The following SOX13 variants were observed in gnomAD, a reference collection of about 807,000 sequenced individuals.
The protein encoded by SOX13 is SRY-box transcription factor 13.
In SOX13, 28 loss-of-function variants were observed where a neutral mutation model predicts 71.8. That is an observed-to-expected ratio of 0.39 (90% CI 0.29 to 0.53). The LOEUF is 0.53. Among genes scored for constraint, SOX13 ranks in the 20% least tolerant of loss-of-function variants. The pLI, the probability that SOX13 is intolerant of heterozygous loss-of-function variation, is 0.70. For missense variants in SOX13, 627 were observed against 810.3 expected (o/e 0.77, Z 2.75); for synonymous variants, 309 against 317.8 (o/e 0.97, Z 0.29).
intron 1 of SOX13, among the ~76,000 whole-genome samples, chr1:204,078,346 C>T (rs894203551): frequency 4.6e-5 from 7 of 152,178 alleles, no homozygotes; most frequent in African/African-American, 1.7e-4. Flanking sequence ...TATTGGGCAG[C>T]TCCCCTGGGT....
At chr1:204,102,146 A>G (rs1434886801) in intron 1 of SOX13, among the ~76,000 whole-genome samples, 2 of 152,226 alleles carry the variant, frequency 1.3e-5, no homozygotes, top group Non-Finnish European at 2.9e-5. Flanking sequence ...TAGACTTGTC[A>G]CAAAGCAAAA....
At position 204,117,627 on chromosome 1, in the gene SOX13, T is replaced by C; in HGVS notation, c.695T>C (p.Phe232Ser). Residue 232 changes from phenylalanine to serine, a missense_variant, in exon 7 of 14, where the codon TTC becomes TCC. Coordinates refer to ENST00000367204, the MANE Select transcript of SOX13 (RefSeq NM_005686.3). ...VNMPYVMIPA[F>S]PPSHQPLPVT... Reference sequence around the variant, plus strand: ...ATGCCTTATGTCATGATCCCAGCCTTCCCCCCAAGCCACCAACCTCTGCCT... The same window carrying C: ...ATGCCTTATGTCATGATCCCAGCCTCCCCCCCAAGCCACCAACCTCTGCCT... The C allele has an allele frequency of 6.2e-7, 1 of 1,613,034 alleles. No individual in the cohort carries two copies. Among genetic ancestry groups the C allele is most frequent in the Non-Finnish European group, 8.5e-7 (1 of 1,179,558 alleles).
rs1421659547 is a variant in SOX13, at chr1:204,114,318, C to A, written c.220-3C>A. ...TATGGTGACAATTCAGTATGTCTTGCAGGACTGTAGCTCTCCAGAGGGTAA... is the reference window on the plus strand; with the variant it reads ...TATGGTGACAATTCAGTATGTCTTGAAGGACTGTAGCTCTCCAGAGGGTAA... On this transcript the variant is annotated splice_region_variant and splice_polypyrimidine_tract_variant and intron_variant, in intron 2 of 13. Coordinates refer to ENST00000367204, the MANE Select transcript of SOX13 (RefSeq NM_005686.3). 3 of 1,584,516 alleles carry A rather than the reference C, an allele frequency of 1.9e-6. No individual in the cohort carries two copies. Among genetic ancestry groups the A allele is most frequent in the Non-Finnish European group, 2.6e-6 (3 of 1,160,248 alleles).
intron 8 of SOX13, 74 bp downstream of exon 8, chr1:204,122,059 CG>C: frequency 1.7e-6 from 2 of 1,178,950 alleles, no homozygotes; most frequent in Non-Finnish European, 2.5e-6. Flanking sequence ...TAGGGAACTG[CG>C]GGGTGTGGAC....
intron 1 of SOX13, among the ~76,000 whole-genome samples, chr1:204,100,441 G>A (rs533597090): frequency 2.6e-5 from 4 of 152,186 alleles, no homozygotes; most frequent in South Asian, 2.1e-4. Flanking sequence ...GATGGAAAGC[G>A]GGGTGCTGGG....
Position 204,126,375 on chromosome 1 carries a change from T to A in SOX13, c.*241T>A. ...CCATGGGCTGAGCAGGCTGAGCACCTCAGCCTTTAGGGCTTATGGCCAGGG... is the reference window on the plus strand; with the variant it reads ...CCATGGGCTGAGCAGGCTGAGCACCACAGCCTTTAGGGCTTATGGCCAGGG... On this transcript the variant is annotated 3_prime_UTR_variant, in exon 14 of 14. Transcript: ENST00000367204. The A allele has an allele frequency of 1.8e-6, 1 of 569,280 alleles. No individual in the cohort carries two copies. Among genetic ancestry groups the A allele is most frequent in the Non-Finnish European group, 3.2e-6 (1 of 317,314 alleles). 35.3% of individuals were successfully genotyped at this position (569,280 alleles called of 1,614,324 possible). A position where few individuals can be genotyped will look rare whatever the true frequency, so the allele number is the denominator to read the frequency against.
At chr1:204,100,773 C>T (rs1437395335) in intron 1 of SOX13, among the ~76,000 whole-genome samples, 5 of 152,136 alleles carry the variant, frequency 3.3e-5, no homozygotes, top group African/African-American at 7.2e-5. Context: ...GTCCGATGAG[C>T]GAGCCTGTGT....
At chr1:204,110,242 C>T (rs1558218024) in intron 1 of SOX13, among the ~76,000 whole-genome samples, 1 of 151,912 alleles carries the variant, frequency 6.6e-6, no homozygotes. Context: ...ATCCTCCAGC[C>T]TCAGCCTCCT....
intron 1 of SOX13, among the ~76,000 whole-genome samples, chr1:204,098,865 G>T (rs145869253): frequency 6.6e-6 from 1 of 152,348 alleles, no homozygotes; most frequent in East Asian, 1.9e-4. Flanking sequence ...TGCAAGTGGC[G>T]CAGGCAGGCT....
chr1:204,103,073 T>C (rs1656392651), intron 1 of SOX13, among the ~76,000 whole-genome samples: 1 of 152,220 alleles, frequency 6.6e-6, no homozygotes, highest in Non-Finnish European at 1.5e-5. Flanking sequence ...TCTTTCTCCT[T>C]ACCTCCTTCC....
At chr1:204,085,632 C>T (rs1013041244) in intron 1 of SOX13, among the ~76,000 whole-genome samples, 1 of 150,190 alleles carries the variant, frequency 6.7e-6, no homozygotes, top group African/African-American at 2.5e-5. Context: ...TATGGGAGTT[C>T]GCTGGTCAAG....
rs1200992116 is a variant in SOX13, at chr1:204,126,822, C to CA, written c.*691dup. On this transcript the variant is annotated 3_prime_UTR_variant, in exon 14 of 14. Transcript: ENST00000367204. The stretch of plus-strand genomic sequence containing the variant: ...CTCTTTCTGTGCTTCTCTTTGTCCC[C>CA]AAATTGCTACCTCTTTGTCAGTCTG... The CA allele has an allele frequency of 6.5e-6, 1 of 153,246 alleles. No individual in the cohort carries two copies. The highest frequency in any genetic ancestry group is 1.5e-5 in the Non-Finnish European group (1 of 68,494). 9.5% of individuals were successfully genotyped at this position (153,246 alleles called of 1,614,324 possible).
chr1:204,110,519 A>G lies in SOX13; in HGVS notation c.-1-2396A>G, dbSNP rs897628746. ...ATCATATATAAATAGTTTTTGCACT[A>G]TATTGTCTAGGGAATAATGACAAGT... On this transcript the variant is annotated intron_variant, in intron 1 of 13. Transcript: ENST00000367204. Among the ~76,000 whole-genome samples, 3 of 152,060 alleles carry G rather than the reference A, an allele frequency of 2.0e-5. No homozygotes were observed. In the East Asian group the frequency reaches 5.8e-4, roughly 29 times the overall value.
At chr1:204,086,046 C>T (rs1161845900) in intron 1 of SOX13, among the ~76,000 whole-genome samples, 1 of 151,958 alleles carries the variant, frequency 6.6e-6, no homozygotes, top group Non-Finnish European at 1.5e-5. Flanking sequence ...GTGAGCCAGA[C>T]CCCGGAGGTG....
chr1:204,109,085 G>A (rs915129392), intron 1 of SOX13, among the ~76,000 whole-genome samples: 38 of 152,274 alleles, frequency 2.5e-4, no homozygotes, highest in Non-Finnish European at 2.2e-4. Flanking sequence ...CTTTCTGGAC[G>A]CTCTCCAAGC....
Position 204,123,891 on chromosome 1 carries a change from C to T in SOX13, c.1375+87C>T. On this transcript the variant is annotated intron_variant, in intron 12 of 13. Coordinates refer to ENST00000367204, the MANE Select transcript of SOX13 (RefSeq NM_005686.3). This position sits in a 1 kb window ranked among gnomAD's most constrained non-coding sequence, Gnocchi z 5.0. ...TATTCAGGGCTTGCTTGGTGATATT[C>T]CATACTGTGTTGGACTCCAGTGGAA... 1 of 1,469,344 alleles carries T rather than the reference C, an allele frequency of 6.8e-7. No homozygotes were observed. The highest frequency in any genetic ancestry group is 1.8e-5 in the Admixed American group (1 of 54,912). 91.0% of individuals were successfully genotyped at this position (1,469,344 alleles called of 1,614,324 possible).
At chr1:204,104,213 A>G (rs1284471733) in intron 1 of SOX13, among the ~76,000 whole-genome samples, 1 of 152,104 alleles carries the variant, frequency 6.6e-6, no homozygotes, top group Non-Finnish European at 1.5e-5. Flanking sequence ...TACCAGGTGA[A>G]TGCCACCCTG....
At chr1:204,099,424 C>CTTTTTTTTTT (rs200311750) in intron 1 of SOX13, among the ~76,000 whole-genome samples, 2 of 93,450 alleles carry the variant, frequency 2.1e-5, no homozygotes, top group Admixed American at 1.3e-4. Context: ...CTTTTTCTGG[C>CTTTTTTTTTT]TTTTTTTTTT....
At chr1:204,122,485 C>T (rs1656830585) in intron 9 of SOX13, 86 bp downstream of exon 9, 1 of 1,103,564 alleles carries the variant, frequency 9.1e-7, no homozygotes, top group Non-Finnish European at 1.3e-6. Context: ...GGTCCCTTCT[C>T]CTCCCTGGGT....
Sources: allele counts gnomAD v4.1 joint callset (sites outside exome capture counted in the v4.1 genomes callset), GRCh38; gene constraint gnomAD v4.1.1; non-coding constraint Gnocchi (gnomAD v3.1); transcripts MANE v1.5; gene names NCBI Gene and HGNC (gene_info 2026-07-23, HGNC 2026-07-21).